Variants in CNTNAP3 observed in about 807,000 individuals in gnomAD.
The protein encoded by CNTNAP3 is contactin-associated protein-like 3.
In CNTNAP3, 36 loss-of-function variants were observed where a neutral mutation model predicts 92.1. That is an observed-to-expected ratio of 0.39 (90% confidence interval 0.30 to 0.52). The LOEUF is 0.52. Ranked by LOEUF, CNTNAP3 falls within the 20% of genes least tolerant of loss-of-function variation. CNTNAP3 has a pLI of 0.76. For synonymous variants in CNTNAP3, 232 were observed against 422.3 expected, an observed-to-expected ratio of 0.55 and a Z score of 5.53; for missense variants, 534 against 1,069.6, an observed-to-expected ratio of 0.50 and a Z score of 6.98.
chr9:39,130,911 G>A (rs1316627603), intron 13 of CNTNAP3, among the ~76,000 whole-genome samples: 2 of 151,834 alleles, frequency 1.3e-5, no homozygotes, highest in African/African-American at 4.8e-5. Flanking sequence ...TCACCTTGGG[G>A]TGGGGGAACT....
At chr9:39,089,348 T>C (rs897935340) in intron 18 of CNTNAP3, among the ~76,000 whole-genome samples, 2 of 152,268 alleles carry the variant, frequency 1.3e-5, no homozygotes, top group Non-Finnish European at 2.9e-5. Context: ...TAGCATGGTA[T>C]TTTCAAGGTT....
At chr9:39,135,251 T>G (rs1821402441) in intron 12 of CNTNAP3, among the ~76,000 whole-genome samples, 1 of 152,140 alleles carries the variant, frequency 6.6e-6, no homozygotes, top group South Asian at 2.1e-4. Flanking sequence ...TTAAAGAGCA[T>G]CTAATATAAC....
At chr9:39,137,618 T>C (rs1365237113) in intron 12 of CNTNAP3, among the ~76,000 whole-genome samples, 2 of 152,090 alleles carry the variant, frequency 1.3e-5, no homozygotes, top group Admixed American at 1.3e-4. Context: ...ATTCATGCCA[T>C]TCTTCTGCCT....
intron 9 of CNTNAP3, 58 bp from the exon 10 acceptor site, chr9:39,150,035 G>GTATTTACTA: frequency 7.0e-7 from 1 of 1,422,814 alleles, no homozygotes; most frequent in African/African-American, 1.4e-5. Flanking sequence ...CTATTCCACA[G>GTATTTACTA]TATTTACTAT....
intron 14 of CNTNAP3, among the ~76,000 whole-genome samples, chr9:39,113,539 A>G (rs1820760918): frequency 6.6e-6 from 1 of 151,484 alleles, no homozygotes; most frequent in African/African-American, 2.4e-5. Context: ...TGGATTTTCT[A>G]TGTAGGCAAT....
chr9:39,124,140 C>T (rs1335611247), intron 13 of CNTNAP3, among the ~76,000 whole-genome samples: 1 of 151,540 alleles, frequency 6.6e-6, no homozygotes, highest in Non-Finnish European at 1.5e-5. Context: ...TAATGTAATA[C>T]AAAATAAGAC....
intron 17 of CNTNAP3, among the ~76,000 whole-genome samples, chr9:39,101,437 G>A (rs961844712): frequency 1.4e-5 from 2 of 147,854 alleles, no homozygotes; most frequent in Non-Finnish European, 3.0e-5. Context: ...TAGCTCCTAA[G>A]TTAGAATAGT....
At chr9:39,106,094 T>TTAG (rs2117887985) in intron 15 of CNTNAP3, among the ~76,000 whole-genome samples, 1 of 152,316 alleles carries the variant, frequency 6.6e-6, no homozygotes, top group South Asian at 2.1e-4. Context: ...ACCAAGCTTC[T>TTAG]AACCCAGTGG....
Position 39,084,088 on chromosome 9 carries a change from C to T in CNTNAP3, c.3442+1648G>A, listed in dbSNP as rs1826009184. 2.0e-5 allele frequency among the ~76,000 whole-genome samples: 3 copies of T among 151,752 alleles called. No individual in the cohort carries two copies. In the South Asian group the frequency reaches 6.2e-4, roughly 32 times the overall value. On this transcript the variant is annotated intron_variant, in intron 21 of 23. Transcript: ENST00000297668. Reference sequence around the variant, plus strand: ...TTATTAGAATTGCTCATATATTAGCCTATGTACCTATTAACATGTGAGTGT... The same window carrying T: ...TTATTAGAATTGCTCATATATTAGCTTATGTACCTATTAACATGTGAGTGT...
chr9:39,162,976 A>T (rs528750820), intron 9 of CNTNAP3, among the ~76,000 whole-genome samples: 5 of 73,544 alleles, frequency 6.8e-5, no homozygotes, highest in Middle Eastern at 5.9e-3. Context: ...AAATAAGTTT[A>T]AAAAAAAAAG....
chr9:39,087,574 C>T (rs1199929180), intron 19 of CNTNAP3, among the ~76,000 whole-genome samples: 2 of 152,102 alleles, frequency 1.3e-5, no homozygotes, highest in African/African-American at 2.4e-5. Context: ...GCAAGCTCTG[C>T]CTCCTGGGTT....
At chr9:39,128,260 G>A (rs976019047) in intron 13 of CNTNAP3, among the ~76,000 whole-genome samples, 1 of 151,756 alleles carries the variant, frequency 6.6e-6, no homozygotes, top group African/African-American at 2.4e-5. Flanking sequence ...GTATTGTCCT[G>A]ATACTGAAAC....
At chr9:39,141,031 G>C (rs2778149) in intron 11 of CNTNAP3, among the ~76,000 whole-genome samples, 2 of 152,168 alleles carry the variant, frequency 1.3e-5, no homozygotes, top group East Asian at 1.9e-4. Context: ...AGAGACTGTA[G>C]TTTCTCTACA....
At chr9:39,133,612 T>C (rs1821358695) in intron 12 of CNTNAP3, among the ~76,000 whole-genome samples, 1 of 152,114 alleles carries the variant, frequency 6.6e-6, no homozygotes. Context: ...AATAAAGTGG[T>C]TTAATTATGT....
intron 15 of CNTNAP3, 113 bp downstream of exon 15, chr9:39,109,047 C>G: frequency 6.9e-7 from 1 of 1,451,294 alleles, no homozygotes; most frequent in Non-Finnish European, 9.1e-7. Flanking sequence ...ATATTCGCCC[C>G]AGTCCTAGTA....
At chr9:39,076,264 A>G (rs1825759160) in intron 23 of CNTNAP3, among the ~76,000 whole-genome samples, 1 of 152,306 alleles carries the variant, frequency 6.6e-6, no homozygotes, top group African/African-American at 2.4e-5. Flanking sequence ...ACATTGTGTA[A>G]ACGTCTGTAG....
At chr9:39,154,300 C>G (rs2772626) in intron 9 of CNTNAP3, 2 of 417,918 alleles carry the variant, frequency 4.8e-6, no homozygotes, top group Admixed American at 2.9e-5. Flanking sequence ...CATGCAGCAG[C>G]TGGGCTGAAG....
At chr9:39,084,682 T>A (rs1244001808) in intron 21 of CNTNAP3, among the ~76,000 whole-genome samples, 2 of 152,156 alleles carry the variant, frequency 1.3e-5, no homozygotes, top group Non-Finnish European at 2.9e-5. Flanking sequence ...AATTCCAAAT[T>A]TAAAGATAAA....
intron 18 of CNTNAP3, among the ~76,000 whole-genome samples, chr9:39,098,510 T>C (rs1826377219): frequency 6.6e-6 from 1 of 152,146 alleles, no homozygotes; most frequent in African/African-American, 2.4e-5. Flanking sequence ...ATAATGTCTA[T>C]CCTTAAGAAA....
Sources: gnomAD v4.1 joint callset for allele counts (sites outside exome capture counted in the v4.1 genomes callset) on GRCh38, gnomAD v4.1.1 for gene constraint, MANE v1.5 for transcripts, NCBI Gene and HGNC (gene_info 2026-07-23, HGNC 2026-07-21) for gene names.